SLC8A1: variants seen among roughly 807,000 people sequenced by gnomAD.
The protein encoded by SLC8A1 is solute carrier family 8 member A1, also known as sodium/calcium exchanger 1.
A neutral mutation model predicts 68.3 loss-of-function variants in SLC8A1; 18 were observed. The observed-to-expected ratio is 0.26, with a 90% CI of 0.18 to 0.39. The LOEUF (loss-of-function observed/expected upper bound fraction) is 0.39. SLC8A1 is among the 10% of genes least tolerant of loss of function. The pLI is 1.00. For missense variants in SLC8A1, 985 were observed against 1,156.7 expected, an observed-to-expected ratio of 0.85 and a Z score of 2.15; for synonymous variants, 475 against 415.5, an observed-to-expected ratio of 1.14 and a Z score of -1.74.
intron 2 of SLC8A1, among the ~76,000 whole-genome samples, chr2:40,225,084 G>C (rs1280217005): frequency 6.6e-6 from 1 of 152,108 alleles, no homozygotes; most frequent in Non-Finnish European, 1.5e-5. Context: ...CTTAGGTTTT[G>C]AGTAGGTAAC....
chr2:40,361,775 TTCTAATA>T (rs1427936332), intron 2 of SLC8A1, among the ~76,000 whole-genome samples: 43 of 151,872 alleles, frequency 2.8e-4, no homozygotes, highest in African/African-American at 9.9e-4. Context: ...TCTGCCCAAA[TTCTAATA>T]TAAATGAGAA....
intron 1 of SLC8A1, among the ~76,000 whole-genome samples, chr2:40,478,193 T>C (rs1298589415): frequency 2.0e-5 from 3 of 151,764 alleles, no homozygotes; most frequent in African/African-American, 7.3e-5. Context: ...GTTTTCCTGA[T>C]TGATATCTCC....
intron 2 of SLC8A1, among the ~76,000 whole-genome samples, chr2:40,201,118 AAAAAG>A (rs1485408965): frequency 2.6e-5 from 4 of 151,778 alleles, no homozygotes; most frequent in East Asian, 1.9e-4. Flanking sequence ...CCCTCAAAAA[AAAAAG>A]AAAAGAAAAA....
At position 40,302,031 on chromosome 2, in the gene SLC8A1, C is replaced by CTGTGTGTGTGTGTGTGTGTGTGTG. The variant is rs374407377; in HGVS notation, c.1809-124200_1809-124177dup. Among the ~76,000 whole-genome samples, 152 of 132,316 alleles carry CTGTGTGTGTGTGTGTGTGTGTGTG rather than the reference C, an allele frequency of 1.1e-3. 1 individual carries two copies. The highest frequency in any genetic ancestry group is 1.7e-3 in the Non-Finnish European group (107 of 62,964). 86.8% of individuals were successfully genotyped at this position (132,316 alleles called of 152,430 possible). On this transcript the variant is annotated intron_variant, in intron 2 of 7. Coordinates refer to ENST00000406785, the Ensembl canonical transcript of SLC8A1. ...GCACCTGCCACCACACCGGGCTAAT[C>CTGTGTGTGTGTGTGTGTGTGTGTG]TGTGTGTGTGTGTGTGTGTGTGTGT...
In SLC8A1 at chr2:40,186,093, T is replaced by C. The variant is rs963862409; in HGVS notation, c.1809-8238A>G. 3.3e-5 allele frequency among the ~76,000 whole-genome samples: 5 copies of C among 152,326 alleles called. No individual in the cohort carries two copies. The East Asian group carries it at 9.6e-4, about 29-fold the overall frequency. On this transcript the variant is annotated intron_variant, in intron 2 of 7. Coordinates refer to ENST00000406785, the Ensembl canonical transcript of SLC8A1. ...TGGCTGTTACCTCAGGCTGGCTTCC[T>C]TGACTCCTTTCTTTTCCCCAAAATA...
At chr2:40,213,186 C>A (rs534078301) in intron 2 of SLC8A1, 1 of 152,246 alleles carries the variant, frequency 6.6e-6, no homozygotes, top group East Asian at 1.9e-4. Flanking sequence ...ATTCCTGTTC[C>A]CAGTGATATG....
intron 2 of SLC8A1, among the ~76,000 whole-genome samples, chr2:40,421,590 T>G (rs1235131282): frequency 6.6e-6 from 1 of 152,214 alleles, no homozygotes; most frequent in East Asian, 1.9e-4. Flanking sequence ...CTGGTTGCCC[T>G]GTTATCATGA....
intron 1 of SLC8A1, among the ~76,000 whole-genome samples, chr2:40,511,301 C>G (rs1576694032): frequency 6.6e-6 from 1 of 152,052 alleles, no homozygotes; most frequent in African/African-American, 2.4e-5. Flanking sequence ...TTAATTCAAT[C>G]TTGGCAAAAC....
chr2:40,192,427 C>A (rs2052054760), intron 2 of SLC8A1, among the ~76,000 whole-genome samples: 1 of 151,966 alleles, frequency 6.6e-6, no homozygotes. Context: ...CAATTGACTG[C>A]TAGAACATGA....
chr2:40,274,035 G>A (rs537831936), intron 2 of SLC8A1, among the ~76,000 whole-genome samples: 6 of 151,564 alleles, frequency 4.0e-5, no homozygotes, highest in African/African-American at 1.2e-4. Flanking sequence ...CAGCCTGTCT[G>A]TCGCCTTATA....
intron 2 of SLC8A1, among the ~76,000 whole-genome samples, chr2:40,200,221 T>A (rs1159193616): frequency 0.032 from 61 of 1,886 alleles, 4 homozygotes; most frequent in African/African-American, 0.048. Flanking sequence ...TATATATATT[T>A]TTTTATATAT....
chr2:40,382,318 G>A (rs1210242633), intron 2 of SLC8A1, among the ~76,000 whole-genome samples: 1 of 152,072 alleles, frequency 6.6e-6, no homozygotes, highest in Non-Finnish European at 1.5e-5. Flanking sequence ...ATTCTCTGTA[G>A]CACAGTGAGT....
chr2:40,364,378 G>A (rs1675417745), intron 2 of SLC8A1, among the ~76,000 whole-genome samples: 1 of 151,382 alleles, frequency 6.6e-6, no homozygotes, highest in Non-Finnish European at 1.5e-5. Flanking sequence ...GTGTGTGTAT[G>A]TTTAGGGTAA....
intron 6 of SLC8A1, among the ~76,000 whole-genome samples, chr2:40,159,949 T>C (rs1330237566): frequency 2.0e-5 from 3 of 152,156 alleles, no homozygotes; most frequent in Non-Finnish European, 4.4e-5. Flanking sequence ...CACTACGTAT[T>C]TAGGAAACTC....
chr2:40,136,204 A>G (rs2040468533), intron 7 of SLC8A1, among the ~76,000 whole-genome samples: 1 of 152,120 alleles, frequency 6.6e-6, no homozygotes, highest in Admixed American at 6.5e-5. Context: ...TGGGAAGAGG[A>G]GGCCCTTTCT....
intron 1 of SLC8A1, among the ~76,000 whole-genome samples, chr2:40,466,850 C>T (rs1401655949): frequency 6.6e-6 from 1 of 151,570 alleles, no homozygotes; most frequent in Non-Finnish European, 1.5e-5. Context: ...TATTTATGCA[C>T]CTGAAAAACT....
At chr2:40,352,810 C>G (rs924072529) in intron 2 of SLC8A1, among the ~76,000 whole-genome samples, 1 of 152,132 alleles carries the variant, frequency 6.6e-6, no homozygotes, top group South Asian at 2.1e-4. Flanking sequence ...CAGGATTCCA[C>G]GTTACTAAGG....
intron 2 of SLC8A1, among the ~76,000 whole-genome samples, chr2:40,386,417 G>A (rs1234646929): frequency 1.3e-5 from 2 of 150,924 alleles, no homozygotes; most frequent in East Asian, 1.9e-4. Context: ...TTGGGACAAA[G>A]GTCTGAGAAA....
At chr2:40,207,056 T>G (rs2055590608) in intron 2 of SLC8A1, among the ~76,000 whole-genome samples, 1 of 152,098 alleles carries the variant, frequency 6.6e-6, no homozygotes. Context: ...ATCTATTTAA[T>G]TAAGACCAAA....
Sources: gnomAD v4.1 joint callset for allele counts (sites outside exome capture counted in the v4.1 genomes callset) on GRCh38, gnomAD v4.1.1 for gene constraint, MANE v1.5 for transcripts, NCBI Gene and HGNC (gene_info 2026-07-23, HGNC 2026-07-21) for gene names.